DAW1: variants seen among roughly 807,000 people sequenced by gnomAD.
The protein encoded by DAW1 is dynein assembly factor with WD repeats 1, also known as dynein assembly factor with WD repeat domains 1.
Under a neutral mutation model 56.5 loss-of-function variants are expected in DAW1, and 47 were observed. That is an observed-to-expected ratio of 0.83 (90% CI 0.66 to 1.06). The LOEUF is 1.06. DAW1 is among the 50% of genes least tolerant of loss of function. DAW1 has a pLI of 0.00. For synonymous variants in DAW1, 190 were observed against 179.0 expected, an observed-to-expected ratio of 1.06 and a Z score of -0.49; for missense variants, 505 against 499.3, an observed-to-expected ratio of 1.01 and a Z score of -0.11.
At chr2:227,905,345 A>C (rs574784332) in intron 8 of DAW1, among the ~76,000 whole-genome samples, 34 of 152,206 alleles carry the variant, frequency 2.2e-4, no homozygotes, top group Non-Finnish European at 4.9e-4. Flanking sequence ...TATGTTAGGC[A>C]GGAATATCAT....
At chr2:227,916,614 AC>A (rs1207676018) in intron 10 of DAW1, among the ~76,000 whole-genome samples, 1 of 152,128 alleles carries the variant, frequency 6.6e-6, no homozygotes, top group Non-Finnish European at 1.5e-5. Context: ...ACATATGATA[AC>A]CATGGATATA....
At chr2:227,904,808 C>A in intron 7 of DAW1, 121 bp from the exon 8 acceptor site, 1 of 850,582 alleles carries the variant, frequency 1.2e-6, no homozygotes, top group South Asian at 1.7e-5. Context: ...CCCAGCCAAC[C>A]GCTGACCTCC....
Position 227,892,709 on chromosome 2 carries a change from G to A in DAW1, c.318-1086G>A, listed in dbSNP as rs141097131. On this transcript the variant is annotated intron_variant, in intron 4 of 12. Coordinates refer to ENST00000309931, the MANE Select transcript of DAW1 (RefSeq NM_178821.3). ...CAACCTGCCTGTTTAGTTGAGTTTCGCTATTAGACTTTTCTTCACCTTTTC... is the reference window on the plus strand; with the variant it reads ...CAACCTGCCTGTTTAGTTGAGTTTCACTATTAGACTTTTCTTCACCTTTTC... Among the ~76,000 whole-genome samples, 418 of 152,172 alleles carry A rather than the reference G, an allele frequency of 2.7e-3. 7 individuals are homozygous for A. The highest frequency in any genetic ancestry group is 0.025 in the Admixed American group (383 of 15,288).
chr2:227,875,394 G>A (rs1206672022), intron 1 of DAW1, among the ~76,000 whole-genome samples: 1 of 152,132 alleles, frequency 6.6e-6, no homozygotes, highest in African/African-American at 2.4e-5. Context: ...TTCTCAGCTC[G>A]TTTAAAGTAA....
chr2:227,923,900 GA>G (rs747107889), intron 12 of DAW1, 33 bp from the exon 13 acceptor site: 1 of 1,611,422 alleles, frequency 6.2e-7, no homozygotes, highest in South Asian at 1.1e-5. Context: ...ATGAAATGAA[GA>G]AAAAAATAAC....
At chr2:227,904,523 T>G (rs1691631686) in intron 7 of DAW1, among the ~76,000 whole-genome samples, 1 of 152,210 alleles carries the variant, frequency 6.6e-6, no homozygotes, top group South Asian at 2.1e-4. Context: ...CATACACTGT[T>G]TACTTTTGCA....
rs559993251 is a variant in DAW1 at position 227,913,871 on chromosome 2, ATATC to A, written c.974-4899_974-4896del. 4.1e-3 allele frequency among the ~76,000 whole-genome samples: 585 copies of A among 143,614 alleles called. 4 individuals carry two copies. Among genetic ancestry groups the A allele is most frequent in the African/African-American group, 0.013 (488 of 38,306 alleles). 94.2% of individuals were successfully genotyped at this position (143,614 alleles called of 152,430 possible). The stretch of plus-strand genomic sequence containing the variant: ...CACCTTCTGCCAGAAGACAGTCATC[ATATC>A]TATCTATCTGTCTGTCTGTCTGTCT... On this transcript the variant is annotated intron_variant, in intron 10 of 12. Transcript: ENST00000309931.
At chr2:227,911,797 G>A (rs1691833718) in intron 10 of DAW1, among the ~76,000 whole-genome samples, 1 of 152,070 alleles carries the variant, frequency 6.6e-6, no homozygotes. Flanking sequence ...CACATATGAT[G>A]CTGTATAACG....
rs139069628 is a variant in DAW1, at chr2:227,903,039, C to T, written c.578C>T (p.Ala193Val). 2.4e-5 allele frequency: 38 copies of T among 1,613,922 alleles called. No individual in the cohort carries two copies. The highest frequency in any genetic ancestry group is 2.3e-4 in the African/African-American group (17 of 74,858). The part of the protein sequence containing the change: ...LSFNPQSTLV[A>V]TGSMDTTAKL... ...TTTAACCCTCAAAGCACATTGGTGG[C>T]GACTGGAAGTATGGACACAACAGCC... Residue 193 changes from alanine (A) to valine (V), a missense_variant, in exon 7 of 13, where the codon GCG (alanine) becomes GTG (valine). By Grantham distance (64) the Ala-to-Val change is moderately conservative. Coordinates refer to ENST00000309931, the MANE Select transcript of DAW1 (RefSeq NM_178821.3).
At chr2:227,911,224 A>G (rs977856709) in intron 10 of DAW1, among the ~76,000 whole-genome samples, 2 of 146,316 alleles carry the variant, frequency 1.4e-5, no homozygotes, top group Non-Finnish European at 3.0e-5. Context: ...ATATACATAC[A>G]TATGTGTATA....
intron 9 of DAW1, 119 bp downstream of exon 9, chr2:227,906,457 C>CA (rs1180411905): frequency 6.7e-6 from 5 of 740,772 alleles, no homozygotes; most frequent in Non-Finnish European, 9.5e-6. Context: ...TATTAATTTA[C>CA]AAAAAATAGT....
Position 227,924,152 on chromosome 2 carries a change from A to C in DAW1, c.*184A>C, listed in dbSNP as rs1295730681. 3.0e-6 allele frequency: 2 copies of C among 670,694 alleles called. No individual in the cohort carries two copies. The highest frequency in any genetic ancestry group is 5.1e-6 in the Non-Finnish European group (2 of 391,146). The allele number at this position is 670,694 out of a possible 1,614,324, so 41.5% of individuals were successfully genotyped here. On this transcript the variant is annotated 3_prime_UTR_variant, in exon 13 of 13. Coordinates refer to ENST00000309931, the MANE Select transcript of DAW1 (RefSeq NM_178821.3). ...CATGACAAAGTTATGCCACTCCAAT[A>C]TTATTATTTGATGGCGATGGCAGGA...
At chr2:227,906,389 A>G in intron 9 of DAW1, 51 bp downstream of exon 9, 2 of 1,228,702 alleles carry the variant, frequency 1.6e-6, no homozygotes, top group Non-Finnish European at 2.3e-6. Flanking sequence ...TATACTCTTT[A>G]CTGTGTCAGA....
intron 1 of DAW1, among the ~76,000 whole-genome samples, chr2:227,878,979 G>A (rs181757608): frequency 6.6e-6 from 1 of 151,996 alleles, no homozygotes; most frequent in East Asian, 1.9e-4. Flanking sequence ...TAGAGACAGG[G>A]TTTCACCATG....
chr2:227,905,869 T>C (rs1969422), intron 8 of DAW1, among the ~76,000 whole-genome samples: 59,776 of 151,856 alleles, frequency 0.39, 13,139 homozygotes, highest in Admixed American at 0.54. Flanking sequence ...ATTCTCCTGC[T>C]TCAGCCTCCC....
chr2:227,901,103 A>T (rs1321068320), intron 6 of DAW1, among the ~76,000 whole-genome samples: 3 of 152,230 alleles, frequency 2.0e-5, no homozygotes, highest in African/African-American at 4.8e-5. Context: ...GTAAAATCCG[A>T]GTTATCAGCC....
At chr2:227,874,114 G>T (rs1690819038) in intron 1 of DAW1, among the ~76,000 whole-genome samples, 1 of 152,116 alleles carries the variant, frequency 6.6e-6, no homozygotes, top group South Asian at 2.1e-4. Context: ...GCCTGTGCTG[G>T]TTCCCATAGA....
chr2:227,895,982 TTAGAA>T lies in DAW1; in HGVS notation c.440+2070_440+2074del, dbSNP rs557693043. Among the ~76,000 whole-genome samples the T allele has an allele frequency of 4.8e-3, 733 of 152,266 alleles. 10 individuals are homozygous for T. Among genetic ancestry groups the T allele is most frequent in the African/African-American group, 0.017 (687 of 41,540 alleles). On this transcript the variant is annotated intron_variant, in intron 5 of 12. Coordinates refer to ENST00000309931, the MANE Select transcript of DAW1 (RefSeq NM_178821.3). ...GGAATTTCATAAAAATTTGATACAC[TTAGAA>T]TAGACATTTTATACTACAGTTAAAA...
chr2:227,878,166 G>C lies in DAW1; in HGVS notation c.40+6437G>C, dbSNP rs545280947. Among the ~76,000 whole-genome samples, 4 of 152,264 alleles carry C rather than the reference G, an allele frequency of 2.6e-5. 1 individual carries two copies. Among genetic ancestry groups the C allele is most frequent in the African/African-American group, 9.6e-5 (4 of 41,534 alleles). On this transcript the variant is annotated intron_variant, in intron 1 of 12. Transcript: ENST00000309931. ...CTAATTCTTTCCAACCTTTCTCTGAGTTACAGATTATTATTTTATTGCTTA... is the reference window on the plus strand; with the variant it reads ...CTAATTCTTTCCAACCTTTCTCTGACTTACAGATTATTATTTTATTGCTTA...
Sources: gnomAD v4.1 joint callset for allele counts (sites outside exome capture counted in the v4.1 genomes callset) on GRCh38, gnomAD v4.1.1 for gene constraint, MANE v1.5 for transcripts, NCBI Gene and HGNC (gene_info 2026-07-23, HGNC 2026-07-21) for gene names.